WDR11: variants seen among roughly 807,000 people sequenced by gnomAD.
WDR11 encodes the protein WD repeat domain 11.
WDR11 carries 83 observed loss-of-function variants against 151.2 expected under a neutral mutation model. The observed-to-expected ratio is 0.55, with a 90% CI of 0.46 to 0.66. The LOEUF is 0.66. WDR11 is among the 30% of genes least tolerant of loss of function. WDR11 has a pLI of 0.00. For missense variants in WDR11, 1,301 were observed against 1,480.9 expected (o/e 0.88, Z 1.99); for synonymous variants, 484 against 533.1 (o/e 0.91, Z 1.27).
chr10:120,860,968 A>G (rs12413966), intron 4 of WDR11, among the ~76,000 whole-genome samples: 3,206 of 152,350 alleles, frequency 0.021, 271 homozygotes, highest in East Asian at 0.18. Flanking sequence ...AGAAGAAGTC[A>G]TATCATAAAC....
At chr10:120,897,096 C>G (rs865785617) in intron 19 of WDR11, among the ~76,000 whole-genome samples, 2 of 152,150 alleles carry the variant, frequency 1.3e-5, no homozygotes, top group South Asian at 2.1e-4. Context: ...AGAGGCTTCT[C>G]CTGTCAAACT....
chr10:120,890,750 A>G lies in WDR11; in HGVS notation c.2378A>G (p.Asn793Ser). The change falls in exon 19 of 29, where the codon AAT becomes AGT. Residue 793 changes from asparagine to serine, a missense_variant. Physicochemically the swap from Asn to Ser is conservative, Grantham distance 46 (BLOSUM62 1). Transcript: ENST00000263461. Reference sequence around the variant, plus strand: ...GTGAGCAGTTTAAGAAGTGGCAGAAATGTGACCTTTCGTATATTGGATGTG... The same window carrying G: ...GTGAGCAGTTTAAGAAGTGGCAGAAGTGTGACCTTTCGTATATTGGATGTG... ...QMVSSLRSGR[N>S]VTFRILDVDW... 6.2e-7 allele frequency: 1 copy of G among 1,614,158 alleles called. No homozygotes were observed. Among genetic ancestry groups the G allele is most frequent in the Non-Finnish European group, 8.5e-7 (1 of 1,180,026 alleles).
At chr10:120,906,719 CTG>C (rs1848067080) in intron 27 of WDR11, 55 bp from the exon 28 acceptor site, 3 of 1,613,652 alleles carry the variant, frequency 1.9e-6, no homozygotes, top group Non-Finnish European at 2.5e-6. Context: ...TTCGATGCTG[CTG>C]CCCACCAGTG....
In WDR11 at chr10:120,906,314, G is replaced by C. The variant is rs1157005052; in HGVS notation, c.3437+293G>C. On this transcript the variant is annotated intron_variant, in intron 27 of 28. Transcript: ENST00000263461. ...ATTGGGGTCCATTCAGCTTTGACTA[G>C]AGCAACTGAGAGGAGGCCCAGAGAG... The C allele has an allele frequency of 2.3e-6, 3 of 1,292,242 alleles. No homozygotes were observed. In the African/African-American group the frequency reaches 4.5e-5, roughly 19 times the overall value. The allele number at this position is 1,292,242 out of a possible 1,614,324, so 80.0% of individuals were successfully genotyped here.
At chr10:120,852,444 T>A (rs1564933501) in intron 1 of WDR11, 80 bp from the exon 2 acceptor site, 1 of 1,157,016 alleles carries the variant, frequency 8.6e-7, no homozygotes, top group African/African-American at 1.5e-5. Context: ...GAATTAGACT[T>A]ATCATTTATT....
intron 27 of WDR11, 41 bp downstream of exon 27, chr10:120,906,062 G>T (rs373646334): frequency 1.9e-6 from 3 of 1,612,370 alleles, no homozygotes; most frequent in South Asian, 2.2e-5. Flanking sequence ...GCCTGCCCGT[G>T]AGCAGTCACT....
At chr10:120,876,868 G>C (rs1195646839) in intron 11 of WDR11, among the ~76,000 whole-genome samples, 1 of 152,230 alleles carries the variant, frequency 6.6e-6, no homozygotes. Context: ...GAAGGAGCTA[G>C]ATGGAATTCA....
chr10:120,876,067 C>T (rs557338277), intron 11 of WDR11, among the ~76,000 whole-genome samples: 2 of 146,378 alleles, frequency 1.4e-5, no homozygotes, highest in East Asian at 4.1e-4. Context: ...CAACCTCTGT[C>T]TCCCGGGTTC....
chr10:120,906,415 C>T (rs1848048124), intron 27 of WDR11: 1 of 1,245,074 alleles, frequency 8.0e-7, no homozygotes, highest in Admixed American at 3.6e-5. Flanking sequence ...ACAACCATCA[C>T]TAATTGTGGA....
chr10:120,894,215 G>A (rs1364557696), intron 19 of WDR11, among the ~76,000 whole-genome samples: 1 of 152,132 alleles, frequency 6.6e-6, no homozygotes, highest in Non-Finnish European at 1.5e-5. Flanking sequence ...AAGGGATCCA[G>A]TTTCAGCTTT....
chr10:120,853,966 G>T (rs141862538), intron 2 of WDR11, among the ~76,000 whole-genome samples: 1 of 152,066 alleles, frequency 6.6e-6, no homozygotes, highest in Non-Finnish European at 1.5e-5. Context: ...ATAGTGATCC[G>T]GGCTTTAGGA....
chr10:120,874,185 TTTTTTTTG>T (rs1292828890), intron 11 of WDR11, among the ~76,000 whole-genome samples: 81 of 64,480 alleles, frequency 1.3e-3, no homozygotes, highest in African/African-American at 3.7e-3. Flanking sequence ...AGTTTTTTTT[TTTTTTTTG>T]TTGTTGTTGT....
intron 3 of WDR11, 138 bp from the exon 4 acceptor site, chr10:120,859,968 CACA>C (rs1339849683): frequency 9.3e-6 from 8 of 861,750 alleles, no homozygotes; most frequent in African/African-American, 1.7e-5. Context: ...CACACACACA[CACA>C]CACACACGTC....
intron 2 of WDR11, among the ~76,000 whole-genome samples, chr10:120,857,352 A>G (rs1845983589): frequency 6.6e-6 from 1 of 152,224 alleles, no homozygotes; most frequent in Non-Finnish European, 1.5e-5. Context: ...CCACAAAAGC[A>G]CTGCAAGTAT....
intron 10 of WDR11, among the ~76,000 whole-genome samples, 186 bp from the exon 11 acceptor site, chr10:120,873,652 AT>A (rs1033550214): frequency 6.6e-6 from 1 of 151,956 alleles, no homozygotes; most frequent in Admixed American, 6.6e-5. Flanking sequence ...GGTTAGGCCC[AT>A]TTTTTTTATA....
intron 13 of WDR11, among the ~76,000 whole-genome samples, chr10:120,882,909 A>G (rs1847071920): frequency 6.6e-6 from 1 of 151,840 alleles, no homozygotes; most frequent in Non-Finnish European, 1.5e-5. Context: ...AAACTTAGAT[A>G]ATTGAATTAA....
intron 9 of WDR11, among the ~76,000 whole-genome samples, chr10:120,870,933 C>T (rs1846514723): frequency 6.6e-6 from 1 of 152,142 alleles, no homozygotes; most frequent in South Asian, 2.1e-4. Flanking sequence ...TAGGTCCCTG[C>T]ATTCTGGATA....
At chr10:120,881,730 CTTAGT>C (rs796540484) in intron 13 of WDR11, among the ~76,000 whole-genome samples, 6 of 152,134 alleles carry the variant, frequency 3.9e-5, no homozygotes, top group African/African-American at 1.4e-4. Flanking sequence ...CCATGCTAAG[CTTAGT>C]TATTACTTCT....
In WDR11 at chr10:120,865,065, C is replaced by T. The variant is rs1846265165; in HGVS notation, c.732C>T (p.Leu244=). Residue 244 remains leucine (L), a synonymous_variant, in exon 6 of 29, where the codon CTC becomes CTT. Transcript: ENST00000263461. ...QEKPSAEFIT[L]NDCLQLAYLP... ...TTTTCAGTGCTGAATTCATAACTCT[C>T]AATGATTGCCTTCAGTTGGCATACC... 1 of 1,613,892 alleles carries T rather than the reference C, an allele frequency of 6.2e-7. No individual in the cohort carries two copies. Among genetic ancestry groups the T allele is most frequent in the South Asian group, 1.1e-5 (1 of 91,080 alleles).
Sources: allele counts gnomAD v4.1 joint callset (sites outside exome capture counted in the v4.1 genomes callset), GRCh38; gene constraint gnomAD v4.1.1; transcripts MANE v1.5; gene names NCBI Gene and HGNC (gene_info 2026-07-23, HGNC 2026-07-21).